Variants in FARS2 observed in about 807,000 individuals in gnomAD.
FARS2 encodes the protein phenylalanyl-tRNA synthetase 2, mitochondrial.
In FARS2, 40 loss-of-function variants were observed where a neutral mutation model predicts 46.4. That is an observed-to-expected ratio of 0.86 (90% CI 0.67 to 1.12). The LOEUF (loss-of-function observed/expected upper bound fraction) is 1.12, where lower values mean the gene tolerates loss of function less well. Ranked by LOEUF, FARS2 falls within the 50% of genes most tolerant of loss-of-function variation. The pLI is 0.00. For missense variants in FARS2, 513 were observed against 567.9 expected, an observed-to-expected ratio of 0.90 and a Z score of 0.98; for synonymous variants, 234 against 214.9, an observed-to-expected ratio of 1.09 and a Z score of -0.78.
At chr6:5,346,910 G>GTT (rs746722524) in intron 1 of FARS2, among the ~76,000 whole-genome samples, 5 of 139,226 alleles carry the variant, frequency 3.6e-5, no homozygotes, top group Non-Finnish European at 4.7e-5. Context: ...CCATTCATTA[G>GTT]GTTTTTTTTT....
intron 1 of FARS2, among the ~76,000 whole-genome samples, chr6:5,352,841 A>G (rs991910284): frequency 6.6e-6 from 1 of 152,068 alleles, no homozygotes; most frequent in African/African-American, 2.4e-5. Context: ...GCCTTGATAC[A>G]TATACATTGT....
intron 6 of FARS2, among the ~76,000 whole-genome samples, chr6:5,651,968 G>A (rs1777390094): frequency 6.6e-6 from 1 of 152,118 alleles, no homozygotes; most frequent in African/African-American, 2.4e-5. Context: ...GAAAGCTGGG[G>A]GAAACAGAAC....
At chr6:5,704,015 A>C (rs1758593878) in intron 6 of FARS2, among the ~76,000 whole-genome samples, 1 of 152,168 alleles carries the variant, frequency 6.6e-6, no homozygotes, top group South Asian at 2.1e-4. Context: ...GAGCTTTAGA[A>C]ACATAATGCT....
intron 1 of FARS2, among the ~76,000 whole-genome samples, chr6:5,366,548 A>C (rs974476212): frequency 1.1e-4 from 16 of 152,138 alleles, no homozygotes; most frequent in African/African-American, 3.9e-4. Context: ...GAAGGCCTGA[A>C]AACCAGGGCA....
At chr6:5,617,591 G>A (rs749229389) in intron 6 of FARS2, among the ~76,000 whole-genome samples, 4 of 152,218 alleles carry the variant, frequency 2.6e-5, no homozygotes, top group Admixed American at 6.5e-5. Flanking sequence ...CCAATGATTT[G>A]TAAGTAGATG....
At chr6:5,472,404 C>G (rs1204100770) in intron 4 of FARS2, among the ~76,000 whole-genome samples, 2 of 152,028 alleles carry the variant, frequency 1.3e-5, no homozygotes, top group Non-Finnish European at 2.9e-5. Context: ...AGGAGGGTGC[C>G]CTAGGGGTGA....
chr6:5,759,274 A>G (rs1226201351), intron 6 of FARS2, among the ~76,000 whole-genome samples: 1 of 152,142 alleles, frequency 6.6e-6, no homozygotes, highest in Non-Finnish European at 1.5e-5. Context: ...TGGTACTTCC[A>G]CAGGGAACCT....
intron 1 of FARS2, among the ~76,000 whole-genome samples, chr6:5,298,230 C>G (rs7756479): frequency 0.77 from 116,577 of 152,190 alleles, 45,685 homozygotes; most frequent in African/African-American, 0.94. Context: ...TCATGTCACT[C>G]TCTGTCTCCA....
chr6:5,657,290 T>G (rs1561781512), intron 6 of FARS2, among the ~76,000 whole-genome samples: 1 of 152,198 alleles, frequency 6.6e-6, no homozygotes, highest in Non-Finnish European at 1.5e-5. Context: ...CTGGAAGCCT[T>G]TATCTAAACG....
intron 4 of FARS2, among the ~76,000 whole-genome samples, chr6:5,515,344 G>A: frequency 6.6e-6 from 1 of 152,152 alleles, no homozygotes; most frequent in East Asian, 1.9e-4. Context: ...CTCAGACAAT[G>A]ACTATGATAT....
In FARS2 at chr6:5,686,090, CCCCTGCATTTCTTAGCACAGTGCCTGGG is replaced by C. The variant is rs1275621420; in HGVS notation, c.1217+72773_1217+72800del. 6.6e-5 allele frequency among the ~76,000 whole-genome samples: 10 copies of C among 152,136 alleles called. No individual in the cohort carries two copies. The East Asian group carries it at 9.6e-4, about 15-fold the overall frequency. ...GTGGATGATGAGATTTCATCTGTTT[CCCCTGCATTTCTTAGCACAGTGCCTGGG>C]CCATAGTGAGTGCTCAATAGATGTC... On this transcript the variant is annotated intron_variant, in intron 6 of 6. Transcript: ENST00000274680.
chr6:5,310,407 GAAA>G (rs562827654), intron 1 of FARS2, among the ~76,000 whole-genome samples: 1 of 145,588 alleles, frequency 6.9e-6, no homozygotes, highest in African/African-American at 2.5e-5. Context: ...TAGGTTTAAG[GAAA>G]AAAAAAACCT....
intron 6 of FARS2, among the ~76,000 whole-genome samples, chr6:5,688,247 A>G (rs1757407957): frequency 6.6e-6 from 1 of 152,090 alleles, no homozygotes; most frequent in Non-Finnish European, 1.5e-5. Flanking sequence ...GTTGAATAGG[A>G]GTGGTGGGAG....
chr6:5,444,269 C>T (rs951890459), intron 4 of FARS2, among the ~76,000 whole-genome samples: 1 of 151,934 alleles, frequency 6.6e-6, no homozygotes, highest in African/African-American at 2.4e-5. Flanking sequence ...GAGTTCGCGA[C>T]CAGCCTGACC....
intron 4 of FARS2, among the ~76,000 whole-genome samples, chr6:5,510,419 T>TC (rs76599655): frequency 0.12 from 17,987 of 152,104 alleles, 1,153 homozygotes; most frequent in East Asian, 0.23. Flanking sequence ...AAGCAGCCTC[T>TC]CCCCTTCAGA....
At chr6:5,629,299 G>A (rs79601987) in intron 6 of FARS2, among the ~76,000 whole-genome samples, 2 of 152,174 alleles carry the variant, frequency 1.3e-5, no homozygotes, top group Admixed American at 6.5e-5. Context: ...AATTAGAAAC[G>A]TGTCACCATG....
chr6:5,662,491 C>G (rs984746908), intron 6 of FARS2, among the ~76,000 whole-genome samples: 1 of 152,172 alleles, frequency 6.6e-6, no homozygotes. Context: ...TTGGAAGGAG[C>G]CTCCCCTGAT....
chr6:5,544,978 C>T (rs775232701), intron 4 of FARS2, among the ~76,000 whole-genome samples: 29 of 152,090 alleles, frequency 1.9e-4, no homozygotes, highest in Non-Finnish European at 3.8e-4. Context: ...CTTCAGAATC[C>T]GTTCATGAGG....
At position 5,318,879 on chromosome 6, in the gene FARS2, C is replaced by T. The variant is rs1395933098; in HGVS notation, c.-21-49671C>T. Among the ~76,000 whole-genome samples the T allele has an allele frequency of 3.9e-5, 6 of 152,152 alleles. No homozygotes were observed. The South Asian group carries it at 1.2e-3, about 32-fold the overall frequency. On this transcript the variant is annotated intron_variant, in intron 1 of 6. Transcript: ENST00000274680. ...TCAGCAACTGCCATGCAGAAAAGGG[C>T]GTGGTTGAAAAGGAAGTAGCCCCTG...
Sources: gnomAD v4.1 joint callset for allele counts (sites outside exome capture counted in the v4.1 genomes callset) on GRCh38, gnomAD v4.1.1 for gene constraint, MANE v1.5 for transcripts, NCBI Gene and HGNC (gene_info 2026-07-23, HGNC 2026-07-21) for gene names.